The following JAM3 variants were observed in gnomAD, a reference collection of about 807,000 sequenced individuals.
JAM3 encodes the protein junctional adhesion molecule C.
Under a neutral mutation model 39.4 loss-of-function variants are expected in JAM3, and 31 were observed. The ratio of observed to expected loss-of-function variants is 0.79; its 90% CI spans 0.59 to 1.06. The LOEUF (loss-of-function observed/expected upper bound fraction) is 1.06, where lower values mean the gene tolerates loss of function less well. JAM3 is among the 50% of genes least tolerant of loss of function. The pLI, the probability that JAM3 is intolerant of heterozygous loss-of-function variation, is 0.00. For missense variants in JAM3, 455 were observed against 391.4 expected, an observed-to-expected ratio of 1.16 and a Z score of -1.37; for synonymous variants, 182 against 148.7, an observed-to-expected ratio of 1.22 and a Z score of -1.63.
chr11:134,088,449 T>C (rs1941781906), intron 1 of JAM3, among the ~76,000 whole-genome samples: 1 of 152,138 alleles, frequency 6.6e-6, no homozygotes, highest in Non-Finnish European at 1.5e-5. Context: ...ATTGTATCTG[T>C]ATCAATCCCA....
intron 3 of JAM3, among the ~76,000 whole-genome samples, chr11:134,143,926 G>GT (rs1236904031): frequency 1.3e-5 from 2 of 152,276 alleles, no homozygotes; most frequent in East Asian, 1.9e-4. Context: ...TTCTAGTGGT[G>GT]TTTTTTTCTA....
Position 134,140,902 on chromosome 11 carries a change from G to T in JAM3, c.256+132G>T, listed in dbSNP as rs1555120264. On this transcript the variant is annotated intron_variant, in intron 3 of 8. Transcript: ENST00000299106. ...CTAGGACCGTTTTTTTTTTTTTAAA[G>T]ATTTATAATTATGGAAAATTTCAAA... 1.0e-5 allele frequency: 12 copies of T among 1,145,686 alleles called. No homozygotes were observed. The Admixed American group carries it at 2.3e-4, about 22-fold the overall frequency. The allele number at this position is 1,145,686 out of a possible 1,614,324, so 71.0% of individuals were successfully genotyped here.
At position 134,091,265 on chromosome 11, in the gene JAM3, G is replaced by A. The variant is rs538181911; in HGVS notation, c.76+22106G>A. Among the ~76,000 whole-genome samples the A allele has an allele frequency of 3.9e-5, 6 of 152,256 alleles. No homozygotes were observed. In the East Asian group the frequency reaches 5.8e-4, roughly 15 times the overall value. On this transcript the variant is annotated intron_variant, in intron 1 of 8. Transcript: ENST00000299106. ...AATCTCAGCACTTTGGGAGGCCGAG[G>A]TGGGTGGATCATGAGGTCAGGAGAT...
chr11:134,134,419 A>C (rs970515851), intron 1 of JAM3, among the ~76,000 whole-genome samples: 10 of 151,446 alleles, frequency 6.6e-5, no homozygotes, highest in African/African-American at 1.7e-4. Flanking sequence ...AAAAAAAAAA[A>C]AAACATCTAG....
chr11:134,124,654 G>A (rs748976812), intron 1 of JAM3, among the ~76,000 whole-genome samples: 2 of 150,378 alleles, frequency 1.3e-5, no homozygotes, highest in African/African-American at 4.9e-5. Flanking sequence ...AGTGTAGGTC[G>A]CTTTCCACTT....
At chr11:134,081,383 A>G (rs1248206949) in intron 1 of JAM3, among the ~76,000 whole-genome samples, 3 of 152,092 alleles carry the variant, frequency 2.0e-5, no homozygotes, top group Non-Finnish European at 4.4e-5. Context: ...AGGAGGAAAA[A>G]GTGGTTTCAT....
rs200011817 is a variant in JAM3 at position 134,100,168 on chromosome 11, T to TA, written c.76+31019dup. Reference sequence around the variant, plus strand: ...TTGAGGTGAATCCCCCTTTCCTCCTTAAAAAAAAAATAGTGGTCAGTTCCT... The same window carrying TA: ...TTGAGGTGAATCCCCCTTTCCTCCTTAAAAAAAAAAATAGTGGTCAGTTCCT... On this transcript the variant is annotated intron_variant, in intron 1 of 8. Coordinates refer to ENST00000299106, the MANE Select transcript of JAM3 (RefSeq NM_032801.5). Among the ~76,000 whole-genome samples the TA allele has an allele frequency of 1.1e-3, 164 of 148,962 alleles. No individual in the cohort carries two copies. In the East Asian group the frequency reaches 0.018, roughly 17 times the overall value.
chr11:134,096,769 A>T (rs1941992325), intron 1 of JAM3, among the ~76,000 whole-genome samples: 1 of 152,204 alleles, frequency 6.6e-6, no homozygotes, highest in Non-Finnish European at 1.5e-5. Context: ...ATGAGTAATG[A>T]ACACGATTGG....
chr11:134,112,386 CCAGT>C (rs779652083), intron 1 of JAM3, among the ~76,000 whole-genome samples: 81 of 152,244 alleles, frequency 5.3e-4, no homozygotes, highest in African/African-American at 1.7e-3. Context: ...CCGCACCCAG[CCAGT>C]CAATCAATTT....
intron 1 of JAM3, among the ~76,000 whole-genome samples, chr11:134,084,991 G>T (rs1941725545): frequency 6.6e-6 from 1 of 152,142 alleles, no homozygotes; most frequent in Non-Finnish European, 1.5e-5. Flanking sequence ...CCACTGTTGT[G>T]GGTAGTTGTT....
chr11:134,101,826 G>C (rs746915545), intron 1 of JAM3, among the ~76,000 whole-genome samples: 2 of 152,094 alleles, frequency 1.3e-5, no homozygotes, highest in Non-Finnish European at 2.9e-5. Flanking sequence ...TAGTATTTTG[G>C]GGGGCTGAGG....
chr11:134,116,901 C>A (rs180817092), intron 1 of JAM3, among the ~76,000 whole-genome samples: 6 of 152,206 alleles, frequency 3.9e-5, no homozygotes, highest in African/African-American at 1.4e-4. Context: ...GCATTTTCCC[C>A]TTGCATATTC....
chr11:134,122,390 C>T (rs1412957103), intron 1 of JAM3, among the ~76,000 whole-genome samples: 2 of 152,306 alleles, frequency 1.3e-5, no homozygotes, highest in African/African-American at 2.4e-5. Context: ...CCTGATGGTA[C>T]CCCTCTACCT....
rs150677680 is a variant in JAM3, at chr11:134,118,737, C to G, written c.77-21114C>G. ...TATAAGACCCAGCCATTCCCTTTCT[C>G]TTTTGTCTTTCCTCATAGCTTCGAT... On this transcript the variant is annotated intron_variant, in intron 1 of 8. Transcript: ENST00000299106. Among the ~76,000 whole-genome samples, 158 of 152,284 alleles carry G rather than the reference C, an allele frequency of 1.0e-3. 2 individuals carry two copies. In the East Asian group the frequency reaches 0.025, roughly 24 times the overall value.
At chr11:134,130,097 C>G (rs532644999) in intron 1 of JAM3, among the ~76,000 whole-genome samples, 72 of 152,230 alleles carry the variant, frequency 4.7e-4, no homozygotes, top group African/African-American at 1.7e-3. Context: ...ATAAGCACAT[C>G]GAGTAGTTAC....
chr11:134,104,558 A>G (rs957279919), intron 1 of JAM3, among the ~76,000 whole-genome samples: 5 of 150,134 alleles, frequency 3.3e-5, no homozygotes, highest in Admixed American at 1.3e-4. Context: ...AAAAAAATCA[A>G]TGAATCCAGG....
intron 1 of JAM3, chr11:134,123,972 T>C (rs878979395): frequency 2.0e-6 from 3 of 1,513,004 alleles, no homozygotes; most frequent in Non-Finnish European, 2.7e-6. Flanking sequence ...CTTCATTCCA[T>C]ATTCAATCAA....
At chr11:134,148,862 G>A (rs1368930023) in intron 8 of JAM3, 44 bp downstream of exon 8, 1 of 1,596,318 alleles carries the variant, frequency 6.3e-7, no homozygotes, top group Non-Finnish European at 8.6e-7. Flanking sequence ...ACCCAGCAGG[G>A]AAAACAACAT....
chr11:134,133,685 T>C (rs531766222), intron 1 of JAM3, among the ~76,000 whole-genome samples: 73 of 152,262 alleles, frequency 4.8e-4, no homozygotes, highest in African/African-American at 1.6e-3. Context: ...GAGTGGGGAC[T>C]GAGACACAGT....
Sources: gnomAD v4.1 joint callset for allele counts (sites outside exome capture counted in the v4.1 genomes callset) on GRCh38, gnomAD v4.1.1 for gene constraint, MANE v1.5 for transcripts, NCBI Gene and HGNC (gene_info 2026-07-23, HGNC 2026-07-21) for gene names.